VSIG10: variants seen among roughly 807,000 people sequenced by gnomAD.
VSIG10 encodes the protein V-set and immunoglobulin domain-containing protein 10.
In VSIG10, 48 loss-of-function variants were observed where a neutral mutation model predicts 58.7. That is an observed-to-expected ratio of 0.82 (90% CI 0.65 to 1.04). VSIG10 has a LOEUF of 1.04. VSIG10 is among the 50% of genes least tolerant of loss of function. The probability of loss-of-function intolerance (pLI) is 0.00; values close to 1 mark genes in which losing one functional copy is unlikely to be tolerated. For synonymous variants in VSIG10, 260 were observed against 267.1 expected (o/e 0.97, Z 0.26); for missense variants, 628 against 670.0 (o/e 0.94, Z 0.69).
intron 2 of VSIG10, among the ~76,000 whole-genome samples, chr12:118,087,673 C>A (rs1056927241): frequency 6.6e-6 from 1 of 151,228 alleles, no homozygotes; most frequent in African/African-American, 2.4e-5. Flanking sequence ...CTTGTCTCTA[C>A]AAAAAAACTA....
At chr12:118,076,534 C>T (rs942338429) in intron 4 of VSIG10, among the ~76,000 whole-genome samples, 10 of 152,054 alleles carry the variant, frequency 6.6e-5, no homozygotes, top group Non-Finnish European at 1.2e-4. Flanking sequence ...CATGGTGTTT[C>T]GCTGTGTTGC....
intron 2 of VSIG10, among the ~76,000 whole-genome samples, chr12:118,091,933 AT>A (rs2033312271): frequency 6.6e-6 from 1 of 151,774 alleles, no homozygotes; most frequent in Non-Finnish European, 1.5e-5. Flanking sequence ...AATTTCTTGT[AT>A]TTTTTGTAGA....
At position 118,088,010 on chromosome 12, in the gene VSIG10, C is replaced by T. The variant is rs138864347; in HGVS notation, c.362-5581G>A. ...CCTGTAATCCCAGGACTTTGGGAGG[C>T]CGAGGCGGGTGGATCACGAGGTTAG... On this transcript the variant is annotated intron_variant, in intron 2 of 8. Transcript: ENST00000359236. Among the ~76,000 whole-genome samples the T allele has an allele frequency of 3.9e-3, 598 of 151,988 alleles. 9 individuals carry two copies. Among genetic ancestry groups the T allele is most frequent in the African/African-American group, 0.014 (583 of 41,456 alleles).
At position 118,082,108 on chromosome 12, in the gene VSIG10, A is replaced by AG; in HGVS notation, c.664+18dup. On this transcript the variant is annotated intron_variant, in intron 3 of 8. Coordinates refer to ENST00000359236, the MANE Select transcript of VSIG10 (RefSeq NM_019086.6). ...GGGTTAAGGGGAAGAAGCGGGGCAG[A>AG]GGAGTGCTGCTTACGCACAGTAGAC... 3.7e-6 allele frequency: 6 copies of AG among 1,607,114 alleles called. No individual in the cohort carries two copies. The highest frequency in any genetic ancestry group is 4.3e-6 in the Non-Finnish European group (5 of 1,174,954).
chr12:118,074,093 T>TTGTTTTGTTC lies in VSIG10; in HGVS notation c.926-102_926-101insGAACAAAACA, dbSNP rs1593499549. ...CAGTAGTTTTTTGTTTTGTTTTGTTTTGTTTTGAGATGGAGGTTTTGCTCT... is the reference window on the plus strand; with the variant it reads ...CAGTAGTTTTTTGTTTTGTTTTGTTTTGTTTTGTTCTGTTTTGAGATGGAGGTTTTGCTCT... On this transcript the variant is annotated intron_variant, in intron 4 of 8. Coordinates refer to ENST00000359236, the MANE Select transcript of VSIG10 (RefSeq NM_019086.6). 4.3e-6 allele frequency: 6 copies of TTGTTTTGTTC among 1,387,236 alleles called. No individual in the cohort carries two copies. In the East Asian group the frequency reaches 1.5e-4, roughly 34 times the overall value. 85.9% of individuals were successfully genotyped at this position (1,387,236 alleles called of 1,614,324 possible).
chr12:118,091,819 G>A (rs777791061), intron 2 of VSIG10, among the ~76,000 whole-genome samples: 9 of 151,802 alleles, frequency 5.9e-5, no homozygotes, highest in Admixed American at 2.6e-4. Flanking sequence ...GTGCAATGGC[G>A]CAATCTCAGC....
intron 1 of VSIG10, chr12:118,103,155 G>T (rs1322401216): frequency 6.4e-6 from 1 of 156,260 alleles, no homozygotes; most frequent in African/African-American, 2.4e-5. Flanking sequence ...GGTTACAGGT[G>T]TAAGGCGAGT....
intron 4 of VSIG10, among the ~76,000 whole-genome samples, chr12:118,076,318 A>G (rs1193795306): frequency 2.7e-5 from 4 of 150,884 alleles, no homozygotes; most frequent in African/African-American, 4.9e-5. Context: ...GAATGTGAGG[A>G]CATTTTTGTT....
At position 118,089,346 on chromosome 12, in the gene VSIG10, C is replaced by A. The variant is rs998113786; in HGVS notation, c.361+6187G>T. ...AGGGCAATAATGAAACTAATCCATCCTCCAATAAACTTAGCCAATGATTAA... is the reference window on the plus strand; with the variant it reads ...AGGGCAATAATGAAACTAATCCATCATCCAATAAACTTAGCCAATGATTAA... On this transcript the variant is annotated intron_variant, in intron 2 of 8. Coordinates refer to ENST00000359236, the MANE Select transcript of VSIG10 (RefSeq NM_019086.6). Among the ~76,000 whole-genome samples, 6 of 152,000 alleles carry A rather than the reference C, an allele frequency of 3.9e-5. No individual in the cohort carries two copies. The South Asian group carries it at 1.0e-3, about 26-fold the overall frequency.
At chr12:118,084,013 A>G (rs7301776) in intron 2 of VSIG10, among the ~76,000 whole-genome samples, 92,900 of 151,844 alleles carry the variant, frequency 0.61, 29,425 homozygotes, top group African/African-American at 0.77. Flanking sequence ...CCAGCTATTC[A>G]GGAGGCTGAG....
chr12:118,082,026 A>G (rs931366383), intron 3 of VSIG10, 101 bp downstream of exon 3: 1 of 1,304,458 alleles, frequency 7.7e-7, no homozygotes, highest in African/African-American at 1.5e-5. Flanking sequence ...TTAAAAAAAA[A>G]AAAAAAAAAA....
chr12:118,068,655 C>A, intron 7 of VSIG10, 58 bp from the exon 8 acceptor site: 1 of 1,477,292 alleles, frequency 6.8e-7, no homozygotes. Flanking sequence ...CAACTTCAGC[C>A]CTCACTGAAT....
chr12:118,071,862 A>G (rs11068805), intron 5 of VSIG10, among the ~76,000 whole-genome samples: 5,490 of 152,328 alleles, frequency 0.036, 262 homozygotes, highest in East Asian at 0.1. Context: ...GAGCAAAGGA[A>G]GCACTATTTA....
Position 118,103,996 on chromosome 12 carries a change from GA to G in VSIG10, c.-326del, listed in dbSNP as rs1287556139. ...TCCCTCCCGCCTCCCAGCCAGGCGG[GA>G]GCCCAACTTCCTCTACCTTGGCCCG... On this transcript the variant is annotated 5_prime_UTR_variant, in exon 1 of 9. Transcript: ENST00000359236. The G allele has an allele frequency of 1.2e-5, 3 of 247,952 alleles. No homozygotes were observed. Among genetic ancestry groups the G allele is most frequent in the African/African-American group, 6.7e-5 (3 of 44,482 alleles). 15.4% of individuals were successfully genotyped at this position (247,952 alleles called of 1,614,324 possible). A position where few individuals can be genotyped will look rare whatever the true frequency, so the allele number is the denominator to read the frequency against.
chr12:118,090,145 T>C (rs1397895985), intron 2 of VSIG10, among the ~76,000 whole-genome samples: 4 of 151,964 alleles, frequency 2.6e-5, no homozygotes, highest in Admixed American at 2.6e-4. Flanking sequence ...GAAAACCCCT[T>C]TCTACGAAAA....
At chr12:118,085,771 A>T (rs2033105392) in intron 2 of VSIG10, among the ~76,000 whole-genome samples, 1 of 151,468 alleles carries the variant, frequency 6.6e-6, no homozygotes, top group Non-Finnish European at 1.5e-5. Context: ...CTGAGGCAGG[A>T]GAATCATTTG....
At chr12:118,091,677 G>A (rs1284747738) in intron 2 of VSIG10, among the ~76,000 whole-genome samples, 3 of 152,006 alleles carry the variant, frequency 2.0e-5, no homozygotes, top group East Asian at 3.9e-4. Context: ...GGAATTAGTA[G>A]GTTCTTTATT....
At chr12:118,075,285 A>G (rs2032681212) in intron 4 of VSIG10, among the ~76,000 whole-genome samples, 1 of 151,912 alleles carries the variant, frequency 6.6e-6, no homozygotes, top group Non-Finnish European at 1.5e-5. Flanking sequence ...GGGATCTAGG[A>G]ACATATCCCT....
At chr12:118,089,242 C>T (rs918723239) in intron 2 of VSIG10, among the ~76,000 whole-genome samples, 1 of 152,154 alleles carries the variant, frequency 6.6e-6, no homozygotes, top group African/African-American at 2.4e-5. Context: ...AGCCACTGCA[C>T]CCAGCCATGA....
Sources: gnomAD v4.1 joint callset for allele counts (sites outside exome capture counted in the v4.1 genomes callset) on GRCh38, gnomAD v4.1.1 for gene constraint, MANE v1.5 for transcripts, NCBI Gene and HGNC (gene_info 2026-07-23, HGNC 2026-07-21) for gene names.